Variants in SUN3 observed in about 807,000 individuals in gnomAD.
SUN3 encodes SUN domain-containing protein 3.
A neutral mutation model predicts 48.2 loss-of-function variants in SUN3; 36 were observed. The observed-to-expected ratio is 0.75, with a 90% CI of 0.57 to 0.99. The LOEUF (loss-of-function observed/expected upper bound fraction) is 0.99, where lower values mean the gene tolerates loss of function less well. Ranked by LOEUF, SUN3 falls within the 50% of genes least tolerant of loss-of-function variation. The pLI is 0.00. For missense variants in SUN3, 419 were observed against 433.1 expected (o/e 0.97, Z 0.29); for synonymous variants, 148 against 147.9 (o/e 1.00, Z 0.00).
At chr7:47,994,992 T>A (rs1192611310) in intron 7 of SUN3, among the ~76,000 whole-genome samples, 1 of 152,030 alleles carries the variant, frequency 6.6e-6, no homozygotes, top group Non-Finnish European at 1.5e-5. Flanking sequence ...GTGGTAGTGG[T>A]GATGGTGATT....
At chr7:48,026,731 AGAAGAGGTGG>A (rs1486697300) in intron 1 of SUN3, among the ~76,000 whole-genome samples, 2 of 152,154 alleles carry the variant, frequency 1.3e-5, no homozygotes, top group Non-Finnish European at 2.9e-5. Flanking sequence ...TGTTGTCCTT[AGAAGAGGTGG>A]AAGAGAGACC....
chr7:48,023,060 A>T (rs577381091), intron 2 of SUN3, among the ~76,000 whole-genome samples: 1 of 152,284 alleles, frequency 6.6e-6, no homozygotes, highest in South Asian at 2.1e-4. Flanking sequence ...TCAATGCCGC[A>T]TGAAGCAATC....
intron 3 of SUN3, among the ~76,000 whole-genome samples, chr7:48,012,121 T>G (rs1562608674): frequency 6.6e-6 from 1 of 152,240 alleles, no homozygotes; most frequent in Non-Finnish European, 1.5e-5. Context: ...CATCCCTCCC[T>G]GTAGGCTGTT....
Position 48,029,075 on chromosome 7 carries a change from T to G in SUN3, c.-137A>C, listed in dbSNP as rs1450187334. On this transcript the variant is annotated 5_prime_UTR_variant, in exon 1 of 10. Transcript: ENST00000297325. Reference sequence around the variant, plus strand: ...TAATGTCTTCTTCCTCCACGGGTGTTTCTTCTTGAAGACGGAATTTTGAAA... The same window carrying G: ...TAATGTCTTCTTCCTCCACGGGTGTGTCTTCTTGAAGACGGAATTTTGAAA... 2.3e-6 allele frequency: 3 copies of G among 1,277,700 alleles called. No homozygotes were observed. The allele number at this position is 1,277,700 out of a possible 1,614,324, so 79.1% of individuals were successfully genotyped here. A position where few individuals can be genotyped will look rare whatever the true frequency, so the allele number is the denominator to read the frequency against.
chr7:48,016,812 T>C (rs1408325341), intron 3 of SUN3, among the ~76,000 whole-genome samples: 1 of 152,134 alleles, frequency 6.6e-6, no homozygotes, highest in Non-Finnish European at 1.5e-5. Flanking sequence ...ACAACAGAAG[T>C]TTGTTTGGCT....
chr7:47,998,189 C>T (rs1339511711), intron 6 of SUN3, among the ~76,000 whole-genome samples: 2 of 152,236 alleles, frequency 1.3e-5, no homozygotes, highest in Admixed American at 1.3e-4. Flanking sequence ...TTCTCACCCA[C>T]AGTGTATGAG....
intron 8 of SUN3, among the ~76,000 whole-genome samples, chr7:47,991,870 A>G (rs551651055): frequency 4.5e-4 from 68 of 151,978 alleles, no homozygotes; most frequent in African/African-American, 1.6e-3. Flanking sequence ...AGCAGTTACA[A>G]CGCCTCCACG....
chr7:47,997,293 C>T (rs1789240266), intron 6 of SUN3, among the ~76,000 whole-genome samples: 1 of 152,100 alleles, frequency 6.6e-6, no homozygotes, highest in Non-Finnish European at 1.5e-5. Context: ...AGATTATTTG[C>T]TATTTGTCTG....
rs1789514400 is a variant in SUN3 at position 48,005,982 on chromosome 7, G to A, written c.564C>T (p.Ala188=). The A allele has an allele frequency of 6.2e-7, 1 of 1,609,460 alleles. No homozygotes were observed. The highest frequency in any genetic ancestry group is 8.5e-7 in the Non-Finnish European group (1 of 1,178,004). ...TTCTGTACTCACCGGCCGACTTCAG[G>A]GCATAATCAGCCATCTCGACTTGGT... The part of the protein sequence containing the change: ...REDQVEMADY[A]LKSAGASIIE... Residue 188 remains alanine (A), a synonymous_variant, in exon 6 of 10, where the codon GCC becomes GCT. Coordinates refer to ENST00000297325, the MANE Select transcript of SUN3 (RefSeq NM_001030019.2).
intron 6 of SUN3, 99 bp from the exon 7 acceptor site, chr7:47,996,245 G>A: frequency 6.0e-6 from 4 of 664,108 alleles, no homozygotes; most frequent in South Asian, 4.5e-5. Flanking sequence ...TTATTACTGG[G>A]CAAATTATAA....
intron 2 of SUN3, among the ~76,000 whole-genome samples, chr7:48,017,968 A>C (rs1163527740): frequency 6.6e-6 from 1 of 152,242 alleles, no homozygotes; most frequent in Non-Finnish European, 1.5e-5. Flanking sequence ...CCAACAGCCC[A>C]TGAATAAAGA....
intron 4 of SUN3, among the ~76,000 whole-genome samples, chr7:48,007,676 C>T (rs1043224563): frequency 6.6e-6 from 1 of 152,158 alleles, no homozygotes; most frequent in African/African-American, 2.4e-5. Flanking sequence ...CCTTGCATTT[C>T]CGGTGTAGTA....
intron 8 of SUN3, among the ~76,000 whole-genome samples, chr7:47,990,515 C>T (rs1181621180): frequency 1.3e-5 from 2 of 151,864 alleles, no homozygotes; most frequent in Non-Finnish European, 2.9e-5. Flanking sequence ...GTATGCTGAG[C>T]GCTGGTCCCC....
Position 48,006,049 on chromosome 7 carries a change from A to G in SUN3, c.497T>C (p.Val166Ala), listed in dbSNP as rs1441289224. ...PVEDPDHTEE[V>A]SNLVNYVLKK... ...AAGTACATAATTGACCAAGTTTGAC[A>G]CTTCCTGTAGAAATTTTATAAACAG... The change falls in exon 6 of 10, where the codon GTG becomes GCG. Residue 166 changes from valine to alanine, a missense_variant. Val to Ala is a moderately conservative substitution (Grantham distance 64). Transcript: ENST00000297325. 1 of 1,596,044 alleles carries G rather than the reference A, an allele frequency of 6.3e-7. No individual in the cohort carries two copies. The highest frequency in any genetic ancestry group is 1.1e-5 in the South Asian group (1 of 88,684).
At chr7:48,026,212 T>C (rs895027627) in intron 1 of SUN3, among the ~76,000 whole-genome samples, 2 of 152,126 alleles carry the variant, frequency 1.3e-5, no homozygotes, top group African/African-American at 2.4e-5. Flanking sequence ...TGCTAGTATA[T>C]GTCTATTTAT....
chr7:48,005,108 T>C lies in SUN3; in HGVS notation c.577+861A>G, dbSNP rs189175810. Among the ~76,000 whole-genome samples, 4 of 152,324 alleles carry C rather than the reference T, an allele frequency of 2.6e-5. No individual in the cohort carries two copies. In the East Asian group the frequency reaches 7.7e-4, roughly 29 times the overall value. On this transcript the variant is annotated intron_variant, in intron 6 of 9. Transcript: ENST00000297325. Reference sequence around the variant, plus strand: ...AAAATGGAAGTTGTAAATACATCAATTGATATAAATGCATCAATACAAAAA... The same window carrying C: ...AAAATGGAAGTTGTAAATACATCAACTGATATAAATGCATCAATACAAAAA...
upstream of SUN3, among the ~76,000 whole-genome samples, chr7:48,032,819 A>T (rs527524466): frequency 2.4e-3 from 278 of 116,780 alleles, 1 homozygote; most frequent in African/African-American, 0.01. Flanking sequence ...GGCAGGGCAA[A>T]AGTGGGAGAG....
rs1450370955 is a variant in SUN3 at position 48,002,212 on chromosome 7, T to G, written c.577+3757A>C. ...TCTCGCTCTGTCGCCCAGGCTGGAG[T>G]GCAGTGGCGCGATCTCGGCTCACTG... On this transcript the variant is annotated intron_variant, in intron 6 of 9. Coordinates refer to ENST00000297325, the MANE Select transcript of SUN3 (RefSeq NM_001030019.2). Among the ~76,000 whole-genome samples the G allele has an allele frequency of 5.8e-5, 7 of 121,634 alleles. No individual in the cohort carries two copies. The Admixed American group carries it at 7.1e-4, about 12-fold the overall frequency. 79.8% of individuals were successfully genotyped at this position (121,634 alleles called of 152,430 possible). A position where few individuals can be genotyped will look rare whatever the true frequency, so the allele number is the denominator to read the frequency against.
At position 48,009,044 on chromosome 7, in the gene SUN3, T is replaced by A. The variant is rs755038440; in HGVS notation, c.320A>T (p.Glu107Val). ...ARLRMPKEQL[E>V]LLKKESQNLE... Reference sequence around the variant, plus strand: ...AAAAGATCGCACTCACTTTAAAAGTTCCAGTTGCTCTTTAGGCATACGAAG... The same window carrying A: ...AAAAGATCGCACTCACTTTAAAAGTACCAGTTGCTCTTTAGGCATACGAAG... Residue 107 changes from glutamate to valine, a missense_variant, in exon 4 of 10, where the codon GAA becomes GTA. By Grantham distance (121) the Glu-to-Val change is moderately radical. Transcript: ENST00000297325. The A allele has an allele frequency of 1.4e-5, 22 of 1,612,378 alleles. No individual in the cohort carries two copies. The South Asian group carries it at 2.4e-4, about 18-fold the overall frequency.
Sources: allele counts gnomAD v4.1 joint callset (sites outside exome capture counted in the v4.1 genomes callset), GRCh38; gene constraint gnomAD v4.1.1; transcripts MANE v1.5; gene names NCBI Gene and HGNC (gene_info 2026-07-23, HGNC 2026-07-21).